PLXDC2: variants seen among roughly 807,000 people sequenced by gnomAD.
The protein encoded by PLXDC2 is plexin domain-containing protein 2.
A neutral mutation model predicts 68.9 loss-of-function variants in PLXDC2; 40 were observed. The ratio of observed to expected loss-of-function variants is 0.58; its 90% CI spans 0.45 to 0.76. The LOEUF is 0.76. Among genes scored for constraint, PLXDC2 ranks in the 30% least tolerant of loss-of-function variants. The probability of loss-of-function intolerance (pLI) is 0.00; values close to 1 mark genes in which losing one functional copy is unlikely to be tolerated. For synonymous variants in PLXDC2, 243 were observed against 234.2 expected (o/e 1.04, Z -0.34); for missense variants, 644 against 661.9 (o/e 0.97, Z 0.30).
At chr10:19,913,954 A>G (rs1323115381) in intron 1 of PLXDC2, among the ~76,000 whole-genome samples, 4 of 152,096 alleles carry the variant, frequency 2.6e-5, no homozygotes, top group Non-Finnish European at 4.4e-5. Flanking sequence ...AGACACAAGC[A>G]CATACAATGG....
rs974172720 is a variant in PLXDC2 at position 20,289,800 on chromosome 10, G to C, written c.*9981G>C. ...AATCATACCTCTGTATAGATCTTTT[G>C]GACTGTACTGATTAAACTTTGATAT... On this transcript the variant is annotated 3_prime_UTR_variant, in exon 14 of 14. Transcript: ENST00000377252. 3 of 152,014 alleles carry C rather than the reference G, an allele frequency of 2.0e-5. No individual in the cohort carries two copies. Among genetic ancestry groups the C allele is most frequent in the African/African-American group, 7.3e-5 (3 of 41,348 alleles). 9.4% of individuals were successfully genotyped at this position (152,014 alleles called of 1,614,324 possible). A position where few individuals can be genotyped will look rare whatever the true frequency, so the allele number is the denominator to read the frequency against.
chr10:20,142,974 T>C (rs1834026234), intron 4 of PLXDC2, among the ~76,000 whole-genome samples: 1 of 152,088 alleles, frequency 6.6e-6, no homozygotes, highest in Non-Finnish European at 1.5e-5. Flanking sequence ...GCAAATTGAA[T>C]ATTTGAATTA....
chr10:20,229,725 C>T (rs928216992), intron 12 of PLXDC2, among the ~76,000 whole-genome samples: 1 of 151,946 alleles, frequency 6.6e-6, no homozygotes, highest in South Asian at 2.1e-4. Context: ...CTTCAGAGCT[C>T]GAATTATTAT....
At chr10:19,909,513 C>T (rs17685390) in intron 1 of PLXDC2, among the ~76,000 whole-genome samples, 32,379 of 152,022 alleles carry the variant, frequency 0.21, 4,009 homozygotes, top group South Asian at 0.32. Flanking sequence ...AGGAAATGAT[C>T]GGATGACCAC....
At chr10:20,122,546 A>T (rs1436462824) in intron 4 of PLXDC2, among the ~76,000 whole-genome samples, 1 of 152,232 alleles carries the variant, frequency 6.6e-6, no homozygotes, top group Non-Finnish European at 1.5e-5. Context: ...AGTCCCGCAC[A>T]GATGGGACGC....
intron 1 of PLXDC2, among the ~76,000 whole-genome samples, chr10:19,825,350 G>A (rs10827888): frequency 0.066 from 10,079 of 152,176 alleles, 446 homozygotes; most frequent in African/African-American, 0.12. Context: ...ATAGGAATCC[G>A]AATATTTGAA....
chr10:19,935,399 A>T (rs1833706309), intron 1 of PLXDC2, among the ~76,000 whole-genome samples: 1 of 152,198 alleles, frequency 6.6e-6, no homozygotes, highest in African/African-American at 2.4e-5. Flanking sequence ...AACCTGGCCC[A>T]TGGAAGAACC....
intron 2 of PLXDC2, among the ~76,000 whole-genome samples, chr10:20,028,840 G>C (rs1589594767): frequency 1.3e-5 from 2 of 152,206 alleles, no homozygotes; most frequent in South Asian, 2.1e-4. Flanking sequence ...CTATTTTCTA[G>C]ATTGTTCCTT....
intron 1 of PLXDC2, among the ~76,000 whole-genome samples, chr10:19,933,820 A>C (rs1274144216): frequency 1.6e-5 from 2 of 125,692 alleles, no homozygotes; most frequent in African/African-American, 5.9e-5. Context: ...GAAAAAAGGA[A>C]GGAGGGAAGG....
At chr10:20,275,347 G>C (rs1190276979) in intron 13 of PLXDC2, among the ~76,000 whole-genome samples, 1 of 152,132 alleles carries the variant, frequency 6.6e-6, no homozygotes, top group Admixed American at 6.5e-5. Context: ...AGGCCTCTCT[G>C]AGATCTATTG....
intron 9 of PLXDC2, among the ~76,000 whole-genome samples, chr10:20,194,637 T>C (rs536758006): frequency 2.6e-5 from 4 of 151,446 alleles, no homozygotes; most frequent in African/African-American, 9.7e-5. Context: ...TAAATTTATT[T>C]TATATATATA....
chr10:20,031,491 C>G (rs1307622032), intron 2 of PLXDC2, among the ~76,000 whole-genome samples: 2 of 152,124 alleles, frequency 1.3e-5, no homozygotes, highest in Admixed American at 6.5e-5. Context: ...CTTGAAATAT[C>G]CATTCTCTAT....
At chr10:20,224,562 C>T (rs1025530553) in intron 12 of PLXDC2, among the ~76,000 whole-genome samples, 9 of 151,994 alleles carry the variant, frequency 5.9e-5, no homozygotes, top group Non-Finnish European at 1.5e-5. Flanking sequence ...AAAGTTATAC[C>T]CAGGGCTGAG....
chr10:20,014,222 C>T (rs11594367), intron 2 of PLXDC2, among the ~76,000 whole-genome samples: 9,235 of 135,356 alleles, frequency 0.068, 339 homozygotes, highest in Middle Eastern at 0.14. Flanking sequence ...CCTTCCTTCC[C>T]TCCTTCCTTC....
intron 4 of PLXDC2, among the ~76,000 whole-genome samples, chr10:20,094,513 T>C (rs1210636324): frequency 6.6e-6 from 1 of 151,716 alleles, no homozygotes; most frequent in Non-Finnish European, 1.5e-5. Flanking sequence ...CTGGAAGTGA[T>C]AGAGGACTTG....
At chr10:19,876,466 G>T (rs1042953016) in intron 1 of PLXDC2, among the ~76,000 whole-genome samples, 4 of 151,986 alleles carry the variant, frequency 2.6e-5, no homozygotes, top group African/African-American at 9.7e-5. Flanking sequence ...GCCGGGCGTG[G>T]TGGTGCATGC....
intron 9 of PLXDC2, among the ~76,000 whole-genome samples, chr10:20,203,396 C>T (rs1358111118): frequency 1.3e-5 from 2 of 151,586 alleles, no homozygotes; most frequent in Non-Finnish European, 2.9e-5. Context: ...ACTCAACCTC[C>T]TGCACTCAAG....
chr10:20,162,958 G>A (rs938408444), intron 6 of PLXDC2, among the ~76,000 whole-genome samples: 2 of 149,832 alleles, frequency 1.3e-5, no homozygotes, highest in African/African-American at 4.9e-5. Flanking sequence ...ACACACGCCT[G>A]TAATCTCAGC....
At chr10:19,837,434 G>A (rs1415373261) in intron 1 of PLXDC2, among the ~76,000 whole-genome samples, 6 of 151,542 alleles carry the variant, frequency 4.0e-5, no homozygotes, top group Non-Finnish European at 7.4e-5. Context: ...GTGTGTGTGT[G>A]TGTGTGTGTG....
Sources: allele counts gnomAD v4.1 joint callset (sites outside exome capture counted in the v4.1 genomes callset), GRCh38; gene constraint gnomAD v4.1.1; transcripts MANE v1.5; gene names NCBI Gene and HGNC (gene_info 2026-07-23, HGNC 2026-07-21).